Variants in CSNK1G3 observed in about 807,000 individuals in gnomAD.
The protein encoded by CSNK1G3 is casein kinase I isoform gamma-3.
In CSNK1G3, 23 loss-of-function variants were observed where a neutral mutation model predicts 64.3. The observed-to-expected ratio is 0.36, with a 90% CI of 0.26 to 0.51. The LOEUF (loss-of-function observed/expected upper bound fraction) is 0.51, where lower values mean the gene tolerates loss of function less well. CSNK1G3 is among the 20% of genes least tolerant of loss of function. The probability of loss-of-function intolerance (pLI) is 0.96; values close to 1 mark genes in which losing one functional copy is unlikely to be tolerated. For missense variants in CSNK1G3, 357 were observed against 510.5 expected (o/e 0.70, Z 2.90); for synonymous variants, 158 against 162.2 (o/e 0.97, Z 0.20).
At chr5:123,614,315 TA>T (rs910980202) in intron 12 of CSNK1G3, 26 bp from the exon 14 acceptor site, 1 of 1,601,910 alleles carries the variant, frequency 6.2e-7, no homozygotes, top group Non-Finnish European at 8.5e-7. Context: ...GCTTTTAAAA[TA>T]AAAAGAGTGT....
At chr5:123,614,310 TA>T in intron 12 of CSNK1G3, 31 bp from the exon 14 acceptor site, 1 of 1,599,118 alleles carries the variant, frequency 6.3e-7, no homozygotes, top group Non-Finnish European at 8.5e-7. Flanking sequence ...TTAGTGCTTT[TA>T]AAATAAAAAG....
chr5:123,547,449 C>CTGTG (rs556414583), intron 2 of CSNK1G3, among the ~76,000 whole-genome samples: 1 of 150,410 alleles, frequency 6.6e-6, no homozygotes, highest in Non-Finnish European at 1.5e-5. Flanking sequence ...AGGTATGTGT[C>CTGTG]TGTGTGTGTG....
intron 2 of CSNK1G3, among the ~76,000 whole-genome samples, chr5:123,547,741 C>G (rs1390330034): frequency 6.6e-6 from 1 of 151,918 alleles, no homozygotes; most frequent in East Asian, 1.9e-4. Context: ...TGTATTATCT[C>G]TATATATCTG....
At chr5:123,542,783 T>G (rs533560635) in intron 1 of CSNK1G3, among the ~76,000 whole-genome samples, 3 of 151,914 alleles carry the variant, frequency 2.0e-5, no homozygotes, top group South Asian at 4.1e-4. Flanking sequence ...GTGTATTTTT[T>G]TCTCTCTCTG....
At chr5:123,613,428 TGTGTGC>T (rs914480865) in intron 12 of CSNK1G3, among the ~76,000 whole-genome samples, 5 of 151,270 alleles carry the variant, frequency 3.3e-5, no homozygotes, top group African/African-American at 4.9e-5. Context: ...TGTGTGTGTG[TGTGTGC>T]GTATGTATGT....
intron 1 of CSNK1G3, among the ~76,000 whole-genome samples, chr5:123,536,164 A>G (rs1780764084): frequency 6.6e-6 from 1 of 152,142 alleles, no homozygotes; most frequent in Admixed American, 6.6e-5. Flanking sequence ...TGCATGCACA[A>G]GCATTAAAAG....
At chr5:123,590,209 C>A (rs1196684716) in intron 8 of CSNK1G3, among the ~76,000 whole-genome samples, 1 of 151,850 alleles carries the variant, frequency 6.6e-6, no homozygotes, top group Non-Finnish European at 1.5e-5. Context: ...CTAAACCTCC[C>A]ATTTTTCTTG....
chr5:123,588,637 G>A, intron 8 of CSNK1G3, 126 bp downstream of exon 8: 1 of 689,052 alleles, frequency 1.5e-6, no homozygotes, highest in South Asian at 1.9e-5. Flanking sequence ...TGATTTAAAG[G>A]TTGTCAGCAT....
intron 10 of CSNK1G3, among the ~76,000 whole-genome samples, chr5:123,600,458 C>G (rs1434340896): frequency 6.6e-6 from 1 of 151,862 alleles, no homozygotes; most frequent in Admixed American, 6.6e-5. Flanking sequence ...AACCCCATCT[C>G]TACTAAAAAT....
At chr5:123,594,581 G>A (rs572298718) in intron 10 of CSNK1G3, among the ~76,000 whole-genome samples, 3 of 152,074 alleles carry the variant, frequency 2.0e-5, no homozygotes, top group Non-Finnish European at 4.4e-5. Flanking sequence ...AGAATCTCAG[G>A]TACAGTTATT....
intron 1 of CSNK1G3, among the ~76,000 whole-genome samples, chr5:123,536,832 A>G (rs960877985): frequency 6.6e-6 from 1 of 152,180 alleles, no homozygotes; most frequent in African/African-American, 2.4e-5. Flanking sequence ...GGCATAATAA[A>G]AAATATTCAG....
Position 123,546,639 on chromosome 5 carries a change from C to T in CSNK1G3, c.178+798C>T, listed in dbSNP as rs867664166. Among the ~76,000 whole-genome samples, 88 of 151,884 alleles carry T rather than the reference C, an allele frequency of 5.8e-4. 3 individuals carry two copies. Among genetic ancestry groups the T allele is most frequent in the Middle Eastern group, 3.4e-3 (1 of 294 alleles). On this transcript the variant is annotated intron_variant, in intron 2 of 12. Coordinates refer to ENST00000345990, the Ensembl canonical transcript of CSNK1G3. ...TCAGTATTCAGGTACCAGGAGGGCT[C>T]TGGTCAGTGGACCACCAAGAGTGAA...
intron 2 of CSNK1G3, among the ~76,000 whole-genome samples, chr5:123,549,135 G>T (rs746165118): frequency 6.6e-6 from 1 of 152,132 alleles, no homozygotes. Context: ...GAGAACTTCT[G>T]TGTTTGTAGT....
chr5:123,564,709 C>A (rs1786488927), intron 4 of CSNK1G3, among the ~76,000 whole-genome samples: 1 of 152,056 alleles, frequency 6.6e-6, no homozygotes, highest in Non-Finnish European at 1.5e-5. Context: ...TAAATTAAAT[C>A]ATCACAGAAA....
At chr5:123,541,950 TG>T (rs1170455409) in intron 1 of CSNK1G3, among the ~76,000 whole-genome samples, 3 of 152,150 alleles carry the variant, frequency 2.0e-5, no homozygotes, top group Non-Finnish European at 4.4e-5. Context: ...TTTCTTGTAC[TG>T]TTTTTTTAGC....
chr5:123,607,180 G>A (rs1795504835), intron 12 of CSNK1G3, among the ~76,000 whole-genome samples: 2 of 152,040 alleles, frequency 1.3e-5, no homozygotes, highest in South Asian at 4.1e-4. Context: ...TCTTGGCATG[G>A]CACCAAGGCT....
chr5:123,558,920 C>T (rs1232147439), intron 4 of CSNK1G3, among the ~76,000 whole-genome samples: 3 of 152,168 alleles, frequency 2.0e-5, no homozygotes, highest in East Asian at 3.8e-4. Flanking sequence ...GCTTCAAATA[C>T]TGTCATCAAC....
At chr5:123,539,158 A>G (rs1316386983) in intron 1 of CSNK1G3, among the ~76,000 whole-genome samples, 1 of 152,074 alleles carries the variant, frequency 6.6e-6, no homozygotes. Flanking sequence ...GTCAAACGTA[A>G]TCTCTTGTCT....
At chr5:123,542,265 A>C (rs1169164518) in intron 1 of CSNK1G3, among the ~76,000 whole-genome samples, 2 of 152,166 alleles carry the variant, frequency 1.3e-5, no homozygotes, top group African/African-American at 4.8e-5. Context: ...AATAATTTTC[A>C]AGAAGGAATC....
Sources: gnomAD v4.1 joint callset for allele counts (sites outside exome capture counted in the v4.1 genomes callset) on GRCh38, gnomAD v4.1.1 for gene constraint, MANE v1.5 for transcripts, NCBI Gene and HGNC (gene_info 2026-07-23, HGNC 2026-07-21) for gene names.